SVEP1: variants seen among roughly 807,000 people sequenced by gnomAD.
SVEP1 encodes sushi, von Willebrand factor type A, EGF and pentraxin domain containing 1.
A neutral mutation model predicts 367.3 loss-of-function variants in SVEP1; 164 were observed. The observed-to-expected ratio is 0.45, with a 90% CI of 0.39 to 0.51. SVEP1 has a LOEUF of 0.51. SVEP1 is among the 20% of genes least tolerant of loss of function. SVEP1 has a pLI of 0.00. For missense variants in SVEP1, 4,117 were observed against 4,425.3 expected (o/e 0.93, Z 1.98); for synonymous variants, 1,666 against 1,611.6 (o/e 1.03, Z -0.81).
At chr9:110,416,134 A>G (rs1338808363) in intron 36 of SVEP1, among the ~76,000 whole-genome samples, 1 of 152,082 alleles carries the variant, frequency 6.6e-6, no homozygotes, top group Non-Finnish European at 1.5e-5. Context: ...ATCTGAATTT[A>G]TAACACACAC....
intron 20 of SVEP1, chr9:110,458,136 G>A (rs957889514): frequency 7.6e-6 from 4 of 523,716 alleles, no homozygotes; most frequent in Non-Finnish European, 1.5e-5. Context: ...ATTAGAAAAG[G>A]CCTTTCCTTA....
intron 41 of SVEP1, among the ~76,000 whole-genome samples, chr9:110,387,701 A>C (rs557822605): frequency 6.6e-6 from 1 of 152,336 alleles, no homozygotes; most frequent in Non-Finnish European, 1.5e-5. Context: ...TGTATTATTA[A>C]TAATGCTGGG....
chr9:110,378,873 G>A lies in SVEP1; in HGVS notation c.10408+474C>T, dbSNP rs567497018. The stretch of plus-strand genomic sequence containing the variant: ...ACATGTAGACATATGTAACAAACCC[G>A]CATGTTGTGTGCATGTACCCTAAAA... On this transcript the variant is annotated intron_variant, in intron 44 of 47. Transcript: ENST00000374469. 5.3e-5 allele frequency among the ~76,000 whole-genome samples: 8 copies of A among 151,212 alleles called. No individual in the cohort carries two copies. In the South Asian group the frequency reaches 1.3e-3, roughly 24 times the overall value.
chr9:110,455,490 T>G (rs1182645730), intron 22 of SVEP1, 100 bp downstream of exon 22: 3 of 790,950 alleles, frequency 3.8e-6, no homozygotes, highest in Admixed American at 3.1e-5. Flanking sequence ...TTTATAATAT[T>G]CTATAAATGT....
chr9:110,497,758 T>C lies in SVEP1; in HGVS notation c.1682-825A>G, dbSNP rs567446302. ...CCAGTTATGGTAGTGCTTAAGCTTT[T>C]GTTATATGATAAAATACATCTTTTA... On this transcript the variant is annotated intron_variant, in intron 7 of 47. Transcript: ENST00000374469. Among the ~76,000 whole-genome samples, 218 of 152,390 alleles carry C rather than the reference T, an allele frequency of 1.4e-3. 1 individual carries two copies. The highest frequency in any genetic ancestry group is 4.8e-3 in the African/African-American group (199 of 41,600).
Position 110,476,319 on chromosome 9 carries a change from C to A in SVEP1, c.2488-4G>T, listed in dbSNP as rs1829096065. 6.2e-7 allele frequency: 1 copy of A among 1,605,916 alleles called. No homozygotes were observed. The highest frequency in any genetic ancestry group is 1.1e-5 in the South Asian group (1 of 90,534). On this transcript the variant is annotated splice_region_variant and splice_polypyrimidine_tract_variant and intron_variant, in intron 13 of 47. Transcript: ENST00000374469. ...CATCACTACAAAATGATGGGACCTG[C>A]AAGTAAAAAATGAAGAGGATAAAGT...
In SVEP1 at chr9:110,488,001, C is replaced by T. The variant is rs563101604; in HGVS notation, c.1930+1649G>A. ...GCAGAAGACCAATTGAGAGATGATA[C>T]GGTAAACCAGGCTCAAAAGATTTCA... On this transcript the variant is annotated intron_variant, in intron 9 of 47. Transcript: ENST00000374469. Among the ~76,000 whole-genome samples the T allele has an allele frequency of 7.6e-4, 116 of 152,042 alleles. 1 individual carries two copies. The highest frequency in any genetic ancestry group is 2.7e-3 in the African/African-American group (113 of 41,384).
chr9:110,539,076 G>A (rs1228243295), intron 3 of SVEP1, among the ~76,000 whole-genome samples: 1 of 152,052 alleles, frequency 6.6e-6, no homozygotes, highest in Non-Finnish European at 1.5e-5. Context: ...AATGAGTTCT[G>A]TTCCACTTAA....
At position 110,471,489 on chromosome 9, in the gene SVEP1, T is replaced by C. The variant is rs370777266; in HGVS notation, c.2873A>G (p.Asn958Ser). 2 of 1,613,850 alleles carry C rather than the reference T, an allele frequency of 1.2e-6. No homozygotes were observed. Among genetic ancestry groups the C allele is most frequent in the Admixed American group, 1.7e-5 (1 of 59,998 alleles). ...TITNKLKRTLNKDPMYSFQLA... is the reference protein window; with the variant it reads ...TITNKLKRTLSKDPMYSFQLA... ...CTGAAAGGAATACATGGGGTCTTTG[T>C]TGAGAGTCCTTTTCAGTTTATTTGT... The change falls in exon 16 of 48, where the codon AAC becomes AGC. Residue 958 changes from asparagine to serine, a missense_variant. Coordinates refer to ENST00000374469, the MANE Select transcript of SVEP1 (RefSeq NM_153366.4).
At position 110,481,449 on chromosome 9, in the gene SVEP1, A is replaced by T; in HGVS notation, c.2171-13T>A. On this transcript the variant is annotated splice_polypyrimidine_tract_variant and intron_variant, in intron 11 of 47. Transcript: ENST00000374469. ...TCACAGGGAGAACCTGTGTAAAAAA[A>T]ATTGTACTATTCATATATAGTGGTA... 1.3e-6 allele frequency: 2 copies of T among 1,547,172 alleles called. No individual in the cohort carries two copies. Among genetic ancestry groups the T allele is most frequent in the Non-Finnish European group, 1.7e-6 (2 of 1,145,996 alleles).
intron 1 of SVEP1, among the ~76,000 whole-genome samples, chr9:110,568,494 C>T (rs1830517073): frequency 6.6e-6 from 1 of 151,914 alleles, no homozygotes; most frequent in Admixed American, 6.6e-5. Flanking sequence ...TACCATATTG[C>T]TCTGGAAATA....
chr9:110,398,749 C>T (rs926286719), intron 40 of SVEP1, among the ~76,000 whole-genome samples: 4 of 152,206 alleles, frequency 2.6e-5, no homozygotes, highest in African/African-American at 9.6e-5. Context: ...AAAAAATGCT[C>T]ATCATCACTG....
intron 24 of SVEP1, among the ~76,000 whole-genome samples, chr9:110,448,360 T>C (rs1447615650): frequency 6.6e-6 from 1 of 152,258 alleles, no homozygotes; most frequent in African/African-American, 2.4e-5. Context: ...TTAAAAGGAC[T>C]GGTCCAATAA....
chr9:110,481,508 C>A (rs1829187403), intron 11 of SVEP1, 72 bp from the exon 12 acceptor site: 4 of 1,215,146 alleles, frequency 3.3e-6, no homozygotes, highest in Non-Finnish European at 3.2e-6. Context: ...GGAGCTTAAG[C>A]AGAATTTTGA....
At position 110,407,995 on chromosome 9, in the gene SVEP1, G is replaced by A; in HGVS notation, c.7605C>T (p.Ala2535=). 1 of 1,614,050 alleles carries A rather than the reference G, an allele frequency of 6.2e-7. No homozygotes were observed. The change falls in exon 38 of 48, where the codon GCC becomes GCT. Residue 2535 remains alanine (A), a synonymous_variant. Coordinates refer to ENST00000374469, the MANE Select transcript of SVEP1 (RefSeq NM_153366.4). The stretch of plus-strand genomic sequence containing the variant: ...AATCACCTGTCTCTAAACAGGTCAA[G>A]GCACTGGGACCTTCGAGCCGAAAGC... ...NRGFRLEGPS[A]LTCLETGDWD...
intron 5 of SVEP1, among the ~76,000 whole-genome samples, chr9:110,508,342 T>G (rs1829655108): frequency 6.6e-6 from 1 of 152,172 alleles, no homozygotes. Context: ...AATTGTGATA[T>G]CTATTACTGA....
At chr9:110,461,096 G>A (rs1588064901) in intron 18 of SVEP1, among the ~76,000 whole-genome samples, 1 of 152,110 alleles carries the variant, frequency 6.6e-6, no homozygotes, top group Non-Finnish European at 1.5e-5. Context: ...ATTCATTTGA[G>A]AATTGTCATT....
rs969947086 is a variant in SVEP1 at position 110,408,507 on chromosome 9, G to A, written c.7093C>T (p.Pro2365Ser). 8.1e-6 allele frequency: 13 copies of A among 1,613,718 alleles called. No homozygotes were observed. The highest frequency in any genetic ancestry group is 1.1e-5 in the Non-Finnish European group (13 of 1,179,866). The change falls in exon 38 of 48, where the codon CCA (proline) becomes TCA (serine). Residue 2365 changes from proline to serine, a missense_variant. Physicochemically the swap from Pro to Ser is moderately conservative, Grantham distance 74. Coordinates refer to ENST00000374469, the MANE Select transcript of SVEP1 (RefSeq NM_153366.4). ...LQGPSVLKCLPSQQWNDSFPV... is the reference protein window; with the variant it reads ...LQGPSVLKCLSSQQWNDSFPV... ...AAAGAGTCATTCCATTGCTGGGATG[G>A]CAAGCATTTCAGGACAGAGGGGCCT...
rs1564142130 is a variant in SVEP1, at chr9:110,435,370, AG to A, written c.4765-7del. The A allele has an allele frequency of 6.2e-7, 1 of 1,612,692 alleles. No homozygotes were observed. Among genetic ancestry groups the A allele is most frequent in the Non-Finnish European group, 8.5e-7 (1 of 1,179,016 alleles). On this transcript the variant is annotated splice_region_variant and splice_polypyrimidine_tract_variant and intron_variant, in intron 28 of 47. Transcript: ENST00000374469. The stretch of plus-strand genomic sequence containing the variant: ...GAGGTAGCCAGTGACTTCACCTGAA[AG>A]TTTAATAACACTTTAGATAAGCCTT...
Sources: gnomAD v4.1 joint callset for allele counts (sites outside exome capture counted in the v4.1 genomes callset) on GRCh38, gnomAD v4.1.1 for gene constraint, MANE v1.5 for transcripts, NCBI Gene and HGNC (gene_info 2026-07-23, HGNC 2026-07-21) for gene names.